The following MICAL3 variants were observed in gnomAD, a reference collection of about 807,000 sequenced individuals.
MICAL3 encodes microtubule associated monooxygenase, calponin and LIM domain containing 3, also known as [F-actin]-monooxygenase MICAL3.
MICAL3 carries 62 observed loss-of-function variants against 207.4 expected under a neutral mutation model. That is an observed-to-expected ratio of 0.30 (90% confidence interval 0.24 to 0.37). The LOEUF (loss-of-function observed/expected upper bound fraction) is 0.37. MICAL3 is among the 10% of genes least tolerant of loss of function. The probability of loss-of-function intolerance (pLI) is 1.00; values close to 1 mark genes in which losing one functional copy is unlikely to be tolerated. For synonymous variants in MICAL3, 1,077 were observed against 1,069.3 expected (o/e 1.01, Z -0.14); for missense variants, 2,368 against 2,635.6 (o/e 0.90, Z 2.22).
At chr22:17,975,360 C>T (rs1935586903) in intron 1 of MICAL3, among the ~76,000 whole-genome samples, 1 of 152,078 alleles carries the variant, frequency 6.6e-6, no homozygotes, top group African/African-American at 2.4e-5. Context: ...ATGAAAAGCC[C>T]GCAAATTTAA....
At chr22:17,977,470 C>A (rs1935707895) in intron 1 of MICAL3, among the ~76,000 whole-genome samples, 1 of 151,672 alleles carries the variant, frequency 6.6e-6, no homozygotes, top group African/African-American at 2.4e-5. Flanking sequence ...CATCGGCAAC[C>A]ATTAGGGAAA....
intron 19 of MICAL3, among the ~76,000 whole-genome samples, chr22:17,846,107 A>C (rs1246994682): frequency 6.6e-6 from 1 of 152,214 alleles, no homozygotes; most frequent in Non-Finnish European, 1.5e-5. Flanking sequence ...CCCTGGAGAA[A>C]GCCTGCAGAA....
intron 1 of MICAL3, among the ~76,000 whole-genome samples, chr22:18,000,237 A>G (rs1417336345): frequency 2.9e-5 from 3 of 103,808 alleles, no homozygotes; most frequent in African/African-American, 5.9e-5. Context: ...ACTAAAAACA[A>G]GCTTAGGGGG....
rs1311923216 is a variant in MICAL3, at chr22:17,801,147, T to C, written c.5650+7697A>G. ...CACAAGGCATCCTGAGTTTCCTTTT[T>C]CTTTTTTTTTTTTTTTTTTTTTTGA... On this transcript the variant is annotated intron_variant, in intron 29 of 31. Transcript: ENST00000441493. Among the ~76,000 whole-genome samples the C allele has an allele frequency of 8.4e-5, 9 of 107,694 alleles. 2 individuals carry two copies. The highest frequency in any genetic ancestry group is 1.5e-4 in the Non-Finnish European group (9 of 58,288). The allele number at this position is 107,694 out of a possible 152,430, so 70.7% of individuals were successfully genotyped here.
intron 21 of MICAL3, among the ~76,000 whole-genome samples, chr22:17,828,229 C>T (rs1332554129): frequency 6.6e-6 from 1 of 152,244 alleles, no homozygotes; most frequent in Admixed American, 6.5e-5. Context: ...TATCCTGCCC[C>T]TCTGCTGGTC....
intron 24 of MICAL3, 49 bp downstream of exon 24, chr22:17,821,981 C>T (rs756812719): frequency 1.3e-6 from 2 of 1,597,858 alleles, no homozygotes; most frequent in Admixed American, 1.7e-5. Context: ...GTGCATATGG[C>T]CCTCGTAGGA....
Position 17,808,840 on chromosome 22 carries a change from G to GT in MICAL3, c.5650+3dup. On this transcript the variant is annotated splice_donor_region_variant and intron_variant, in intron 29 of 31. Coordinates refer to ENST00000441493, the MANE Select transcript of MICAL3 (RefSeq NM_015241.3). The stretch of plus-strand genomic sequence containing the variant: ...GCAGAGCTTAGGAGGGAGCCCGGCA[G>GT]TACCTGCTTCGCCCCGGAGCGCCTT... The GT allele has an allele frequency of 6.4e-7, 1 of 1,551,872 alleles. No homozygotes were observed. Among genetic ancestry groups the GT allele is most frequent in the Non-Finnish European group, 8.7e-7 (1 of 1,147,368 alleles).
At chr22:18,020,091 G>C (rs1429043699) in intron 1 of MICAL3, 2 of 152,028 alleles carry the variant, frequency 1.3e-5, no homozygotes, top group Non-Finnish European at 2.9e-5. Context: ...GGGATTACAG[G>C]TGTGAGCCAC....
rs750715153 is a variant in MICAL3, at chr22:17,885,974, G to A, written c.2145C>T (p.Ala715=). ...STLTDRRMDV[A]VGNQNKVKYM... ...ACTTCACTTTGTTCTGGTTCCCAAC[G>A]GCAACGTCCATCCTCCTGTCTGTCA... The change falls in exon 16 of 32, where the codon GCC becomes GCT. Residue 715 remains alanine (A), a synonymous_variant. Transcript: ENST00000441493. The A allele has an allele frequency of 5.0e-6, 8 of 1,614,002 alleles. No individual in the cohort carries two copies. The highest frequency in any genetic ancestry group is 1.3e-5 in the African/African-American group (1 of 75,050).
At chr22:17,979,525 A>G (rs1403202440) in intron 1 of MICAL3, among the ~76,000 whole-genome samples, 1 of 152,216 alleles carries the variant, frequency 6.6e-6, no homozygotes, top group Non-Finnish European at 1.5e-5. Flanking sequence ...AGCCTAGACA[A>G]CAAGGTGAAA....
chr22:17,797,242 C>G (rs572904613), intron 29 of MICAL3, among the ~76,000 whole-genome samples: 1 of 152,150 alleles, frequency 6.6e-6, no homozygotes, highest in Non-Finnish European at 1.5e-5. Flanking sequence ...GGGCTCACAC[C>G]TGTGATCCCA....
chr22:17,900,701 G>A lies in MICAL3; in HGVS notation c.847+141C>T. 1 of 653,318 alleles carries A rather than the reference G, an allele frequency of 1.5e-6. No individual in the cohort carries two copies. The highest frequency in any genetic ancestry group is 2.6e-6 in the Non-Finnish European group (1 of 379,884). The allele number at this position is 653,318 out of a possible 1,614,324, so 40.5% of individuals were successfully genotyped here. On this transcript the variant is annotated intron_variant, in intron 6 of 31. Coordinates refer to ENST00000441493, the MANE Select transcript of MICAL3 (RefSeq NM_015241.3). This position sits in a 1 kb window ranked among gnomAD's most constrained non-coding sequence, Gnocchi z 4.0. ...GCAGGAAGCAATGCGCTAGGAAGAA[G>A]GAACAGGAGTGAAAAGAGCAGGAGG...
intron 22 of MICAL3, among the ~76,000 whole-genome samples, chr22:17,825,588 G>C (rs1039321357): frequency 6.6e-6 from 1 of 152,220 alleles, no homozygotes; most frequent in Admixed American, 6.5e-5. Context: ...ACTGCCGGGA[G>C]GACACAGGGA....
chr22:17,883,255 T>G (rs979447605), intron 16 of MICAL3, among the ~76,000 whole-genome samples: 1 of 152,256 alleles, frequency 6.6e-6, no homozygotes, highest in African/African-American at 2.4e-5. Context: ...AAGAATGAAT[T>G]CGCCTTCTGT....
intron 19 of MICAL3, chr22:17,863,644 AGCT>A (rs1441603148): frequency 1.0e-6 from 1 of 985,382 alleles, no homozygotes; most frequent in Admixed American, 6.1e-5. Flanking sequence ...CAGTAGCAGA[AGCT>A]GCGTTCACCT....
At chr22:17,829,840 C>G (rs565563352) in intron 21 of MICAL3, among the ~76,000 whole-genome samples, 1 of 152,122 alleles carries the variant, frequency 6.6e-6, no homozygotes, top group African/African-American at 2.4e-5. Flanking sequence ...ACTTCTGGAG[C>G]CTTCTCCAAC....
At chr22:17,859,058 G>C (rs1429424393) in intron 19 of MICAL3, among the ~76,000 whole-genome samples, 1 of 152,208 alleles carries the variant, frequency 6.6e-6, no homozygotes, top group Non-Finnish European at 1.5e-5. Context: ...CTACAGACCT[G>C]GGGGGCTGAG....
chr22:17,800,281 T>C (rs1162633520), intron 29 of MICAL3, among the ~76,000 whole-genome samples: 1 of 152,334 alleles, frequency 6.6e-6, no homozygotes, highest in African/African-American at 2.4e-5. Context: ...TGTGTGTGTA[T>C]TTTCAATCAG....
intron 1 of MICAL3, among the ~76,000 whole-genome samples, chr22:17,984,380 C>G (rs896405720): frequency 1.3e-5 from 2 of 152,256 alleles, no homozygotes; most frequent in African/African-American, 4.8e-5. Context: ...GCGAACGCCT[C>G]TGCGAGGAAG....
Sources: allele counts gnomAD v4.1 joint callset (sites outside exome capture counted in the v4.1 genomes callset), GRCh38; gene constraint gnomAD v4.1.1; non-coding constraint Gnocchi (gnomAD v3.1); transcripts MANE v1.5; gene names NCBI Gene and HGNC (gene_info 2026-07-23, HGNC 2026-07-21).